SLAIN1: variants seen among roughly 807,000 people sequenced by gnomAD.
SLAIN1 encodes the protein SLAIN motif-containing protein 1.
Under a neutral mutation model 55.4 loss-of-function variants are expected in SLAIN1, and 17 were observed. The ratio of observed to expected loss-of-function variants is 0.31; its 90% CI spans 0.21 to 0.46. The LOEUF (loss-of-function observed/expected upper bound fraction) is 0.46. Among genes scored for constraint, SLAIN1 ranks in the 20% least tolerant of loss-of-function variants. The pLI, the probability that SLAIN1 is intolerant of heterozygous loss-of-function variation, is 1.00. For missense variants in SLAIN1, 682 were observed against 785.1 expected (o/e 0.87, Z 1.57); for synonymous variants, 348 against 337.4 (o/e 1.03, Z -0.35).
At chr13:77,743,393 G>C in intron 2 of SLAIN1, 1 of 207,014 alleles carries the variant, frequency 4.8e-6, no homozygotes, top group Non-Finnish European at 9.8e-6. Flanking sequence ...TTTAGCAAAA[G>C]TATATGCATG....
At chr13:77,758,278 G>GTT (rs146479590) in intron 5 of SLAIN1, among the ~76,000 whole-genome samples, 1 of 151,192 alleles carries the variant, frequency 6.6e-6, no homozygotes, top group South Asian at 2.1e-4. Context: ...GGGATTAGTT[G>GTT]TTTTTTTTCT....
At chr13:77,716,304 G>T (rs1290990083) in intron 1 of SLAIN1, among the ~76,000 whole-genome samples, 1 of 149,136 alleles carries the variant, frequency 6.7e-6, no homozygotes, top group Non-Finnish European at 1.5e-5. Context: ...TTACTGTCAT[G>T]AGCTTCAATC....
chr13:77,716,533 C>G (rs2091209648), intron 1 of SLAIN1, among the ~76,000 whole-genome samples: 1 of 152,068 alleles, frequency 6.6e-6, no homozygotes, highest in African/African-American at 2.4e-5. Context: ...CAGTTATGTC[C>G]TCTTTAATTC....
intron 5 of SLAIN1, 126 bp from the exon 6 acceptor site, chr13:77,760,702 T>G: frequency 1.0e-6 from 1 of 959,228 alleles, no homozygotes; most frequent in Non-Finnish European, 1.6e-6. Flanking sequence ...GGAACCTATA[T>G]TCTGTTTTTC....
At chr13:77,743,657 T>C (rs1451908238) in intron 2 of SLAIN1, among the ~76,000 whole-genome samples, 1 of 152,010 alleles carries the variant, frequency 6.6e-6, no homozygotes, top group Non-Finnish European at 1.5e-5. Context: ...TGTTCTTTGG[T>C]TCTTTTATCT....
Position 77,746,592 on chromosome 13 carries a change from A to T in SLAIN1, c.995A>T (p.Lys332Ile). 1 of 1,613,590 alleles carries T rather than the reference A, an allele frequency of 6.2e-7. No homozygotes were observed. Residue 332 changes from lysine (K) to isoleucine (I), a missense_variant, in exon 4 of 7, where the codon AAA (lysine) becomes ATA (isoleucine). This residue lies in a region of SLAIN1 where 37 missense variants were observed against 72.6 expected (regional missense o/e 0.51). Transcript: ENST00000418532. The part of the protein sequence containing the change: ...SSSVSLSSGK[K>I]GTCSDQEYDQ... The stretch of plus-strand genomic sequence containing the variant: ...AGTGTGTCATTGAGTTCAGGAAAAA[A>T]AGGGACATGTAGTGATCAAGAATAT...
chr13:77,745,302 T>C lies in SLAIN1; in HGVS notation c.916+870T>C, dbSNP rs533115070. Among the ~76,000 whole-genome samples, 10 of 152,094 alleles carry C rather than the reference T, an allele frequency of 6.6e-5. No homozygotes were observed. In the South Asian group the frequency reaches 2.1e-3, roughly 32 times the overall value. Reference sequence around the variant, plus strand: ...AATGAGTGGATTATATCACTGCCAATACCCTGGCTGTCATATTATTATAAT... The same window carrying C: ...AATGAGTGGATTATATCACTGCCAACACCCTGGCTGTCATATTATTATAAT... On this transcript the variant is annotated intron_variant, in intron 3 of 6. Coordinates refer to ENST00000418532, the MANE Select transcript of SLAIN1 (RefSeq NM_001242868.2).
At chr13:77,706,671 AT>A (rs35232337) in intron 1 of SLAIN1, among the ~76,000 whole-genome samples, 52,093 of 151,580 alleles carry the variant, frequency 0.34, 10,538 homozygotes, top group African/African-American at 0.56. Context: ...TTTCGTTTGT[AT>A]TTTTTTTATT....
At chr13:77,707,155 GA>G (rs1409190498) in intron 1 of SLAIN1, among the ~76,000 whole-genome samples, 5 of 151,504 alleles carry the variant, frequency 3.3e-5, no homozygotes, top group African/African-American at 1.2e-4. Flanking sequence ...GTAACAGACA[GA>G]TGTAGGTCAT....
At chr13:77,702,629 G>A (rs73231040) in intron 1 of SLAIN1, among the ~76,000 whole-genome samples, 1,689 of 152,044 alleles carry the variant, frequency 0.011, 20 homozygotes, top group Non-Finnish European at 0.018. Flanking sequence ...AGGCAAAATG[G>A]CTTATGTAAG....
chr13:77,743,334 C>A, intron 2 of SLAIN1: 1 of 342,392 alleles, frequency 2.9e-6, no homozygotes, highest in South Asian at 2.8e-5. Context: ...TGTACTCTAA[C>A]ACCATTGATC....
intron 1 of SLAIN1, among the ~76,000 whole-genome samples, chr13:77,716,262 G>T (rs1365558710): frequency 1.3e-5 from 2 of 150,342 alleles, no homozygotes; most frequent in African/African-American, 4.9e-5. Flanking sequence ...CCACTGATCC[G>T]TTTATTTTTA....
In SLAIN1 at chr13:77,698,870, T is replaced by C; in HGVS notation, c.626+331T>C. 1.3e-6 allele frequency: 2 copies of C among 1,514,020 alleles called. No individual in the cohort carries two copies. The highest frequency in any genetic ancestry group is 8.8e-7 in the Non-Finnish European group (1 of 1,132,170). 93.8% of individuals were successfully genotyped at this position (1,514,020 alleles called of 1,614,324 possible). ...TAAGTGCAAAATCCATGTCATCTTG[T>C]CTTTTTGCTCAGTGCTGCTCTTTTC... is the stretch of plus-strand genomic sequence containing the variant. On this transcript the variant is annotated intron_variant, in intron 1 of 6. Transcript: ENST00000418532. The surrounding 1 kb of genome is among the most constrained non-coding windows in gnomAD (Gnocchi z 4.1).
intron 2 of SLAIN1, among the ~76,000 whole-genome samples, chr13:77,722,454 C>CT (rs1447921804): frequency 6.6e-6 from 1 of 152,062 alleles, no homozygotes; most frequent in East Asian, 1.9e-4. Flanking sequence ...CTCTCATGCC[C>CT]TTTTTATTTC....
At chr13:77,744,582 T>C (rs572838348) in intron 3 of SLAIN1, 150 bp downstream of exon 3, 30 of 1,181,422 alleles carry the variant, frequency 2.5e-5, no homozygotes, top group Non-Finnish European at 3.4e-5. Flanking sequence ...GCCAGTTATA[T>C]GCTTCTCACA....
Position 77,746,638 on chromosome 13 carries a change from T to G in SLAIN1, c.1041T>G (p.Asp347Glu). The change falls in exon 4 of 7, where the codon GAT (aspartate) becomes GAG (glutamate). Residue 347 changes from aspartate (D) to glutamate (E), a missense_variant. Physicochemically the swap from Asp to Glu is conservative, Grantham distance 45 (BLOSUM62 2). Around this residue, in one of 3 missense-constraint regions of SLAIN1, gnomAD observed 37 missense variants for 72.6 expected, o/e 0.51. Transcript: ENST00000418532. ...AATATGACCAATACAGTCTGGAGGA[T>G]GAAGAGGAATTTGATCATTTGCCAC... is the stretch of plus-strand genomic sequence containing the variant. ...DQEYDQYSLE[D>E]EEEFDHLPPP... 6.2e-7 allele frequency: 1 copy of G among 1,613,722 alleles called. No individual in the cohort carries two copies. Among genetic ancestry groups the G allele is most frequent in the Non-Finnish European group, 8.5e-7 (1 of 1,179,778 alleles).
At chr13:77,729,979 G>A (rs937970487) in intron 2 of SLAIN1, among the ~76,000 whole-genome samples, 5 of 151,992 alleles carry the variant, frequency 3.3e-5, no homozygotes, top group African/African-American at 1.2e-4. Flanking sequence ...GAGTGTCCCA[G>A]GCCTTTTCTG....
intron 2 of SLAIN1, chr13:77,743,281 G>A (rs1014106234): frequency 1.2e-6 from 1 of 820,610 alleles, no homozygotes; most frequent in South Asian, 1.8e-5. Context: ...TGGAGAGTTT[G>A]TGCTGCACAC....
chr13:77,744,295 G>C lies in SLAIN1; in HGVS notation c.779G>C (p.Arg260Thr), dbSNP rs1172053986. ...CTTTGTGTTTCAGGTTACACTTCCAGGGGCTCCCCACTCAGTCCCCAGTCA... is the reference window on the plus strand; with the variant it reads ...CTTTGTGTTTCAGGTTACACTTCCACGGGCTCCCCACTCAGTCCCCAGTCA... Reference protein sequence around the residue: ...CFRLEQGYTSRGSPLSPQSSI... With the variant: ...CFRLEQGYTSTGSPLSPQSSI... Residue 260 changes from arginine (R) to threonine (T), a missense_variant, in exon 3 of 7, where the codon AGG becomes ACG. Transcript: ENST00000418532. 6.2e-7 allele frequency: 1 copy of C among 1,612,430 alleles called. No homozygotes were observed. The highest frequency in any genetic ancestry group is 1.3e-5 in the African/African-American group (1 of 74,802).
Sources: gnomAD v4.1 joint callset for allele counts (sites outside exome capture counted in the v4.1 genomes callset) on GRCh38, gnomAD v4.1.1 for gene constraint, gnomAD v4.1.1 regional missense constraint, Gnocchi (gnomAD v3.1) non-coding constraint, MANE v1.5 for transcripts, NCBI Gene and HGNC (gene_info 2026-07-23, HGNC 2026-07-21) for gene names.